The following IGF2BP1 variants were observed in gnomAD, a reference collection of about 807,000 sequenced individuals.
IGF2BP1 encodes insulin like growth factor 2 mRNA binding protein 1, also known as insulin-like growth factor 2 mRNA-binding protein 1.
IGF2BP1 carries 11 observed loss-of-function variants against 74.9 expected under a neutral mutation model. That is an observed-to-expected ratio of 0.15 (90% CI 0.09 to 0.24). The LOEUF (loss-of-function observed/expected upper bound fraction) is 0.24. Ranked by LOEUF, IGF2BP1 falls within the 10% of genes least tolerant of loss-of-function variation. The probability of loss-of-function intolerance (pLI) is 1.00; values close to 1 mark genes in which losing one functional copy is unlikely to be tolerated. For missense variants in IGF2BP1, 440 were observed against 757.4 expected (o/e 0.58, Z 4.92); for synonymous variants, 287 against 281.8 (o/e 1.02, Z -0.18).
intron 2 of IGF2BP1, among the ~76,000 whole-genome samples, chr17:49,003,875 A>AC (rs1170092052): frequency 6.6e-6 from 1 of 151,674 alleles, no homozygotes; most frequent in African/African-American, 2.4e-5. Context: ...TCACAGTGTT[A>AC]CCCACGGGAG....
chr17:49,024,296 C>T (rs1334288845), intron 2 of IGF2BP1, among the ~76,000 whole-genome samples: 2 of 151,870 alleles, frequency 1.3e-5, no homozygotes, highest in Non-Finnish European at 2.9e-5. Context: ...CATGTGGTCC[C>T]AGCTATACAG....
At chr17:49,049,308 C>T (rs945605355) in intron 14 of IGF2BP1, 44 bp from the exon 15 acceptor site, 2 of 1,565,030 alleles carry the variant, frequency 1.3e-6, no homozygotes. Flanking sequence ...AAGGCTGTCT[C>T]CTTGGAGGTC....
rs961032612 is a variant in IGF2BP1, at chr17:48,997,500, C to CT, written c.-246_-245insT. On this transcript the variant is annotated 5_prime_UTR_variant, in exon 1 of 15. Transcript: ENST00000290341. The surrounding 1 kb of genome is among the most constrained non-coding windows in gnomAD (Gnocchi z 4.8). ...TCGGACCGAAGGGAAGAAGCTGCGCCGTGTCGTCCGTCTCCCTGCGCGCCG... is the reference window on the plus strand; with the variant it reads ...TCGGACCGAAGGGAAGAAGCTGCGCCTGTGTCGTCCGTCTCCCTGCGCGCCG... 2.2e-5 allele frequency: 11 copies of CT among 489,516 alleles called. No individual in the cohort carries two copies. The highest frequency in any genetic ancestry group is 3.6e-5 in the Non-Finnish European group (10 of 277,224). The allele number at this position is 489,516 out of a possible 1,614,324, so 30.3% of individuals were successfully genotyped here.
intron 5 of IGF2BP1, among the ~76,000 whole-genome samples, chr17:49,034,735 T>TCAAAAAAAACA (rs1046293377): frequency 8.4e-6 from 1 of 119,568 alleles, no homozygotes; most frequent in Non-Finnish European, 1.7e-5. Flanking sequence ...AGACCCTGTC[T>TCAAAAAAAACA]CAAAAAAAAC....
At chr17:49,043,839 C>A in intron 10 of IGF2BP1, 128 bp from the exon 11 acceptor site, 1 of 1,347,250 alleles carries the variant, frequency 7.4e-7, no homozygotes, top group Non-Finnish European at 1.0e-6. Context: ...CACAGCATCC[C>A]TTGGCAGCCC....
chr17:49,004,002 G>A (rs1472320956), intron 2 of IGF2BP1, among the ~76,000 whole-genome samples: 3 of 151,980 alleles, frequency 2.0e-5, no homozygotes, highest in Non-Finnish European at 4.4e-5. Flanking sequence ...AGAAAGTGGC[G>A]GCGGCGCTGC....
chr17:49,040,154 A>C (rs1341057251), intron 7 of IGF2BP1, 63 bp downstream of exon 7: 38 of 1,571,438 alleles, frequency 2.4e-5, no homozygotes, highest in Non-Finnish European at 3.3e-5. Context: ...TCCCCAACTC[A>C]ACTTTCAAGC....
intron 14 of IGF2BP1, among the ~76,000 whole-genome samples, chr17:49,046,591 A>C (rs2042109878): frequency 6.6e-6 from 1 of 151,462 alleles, no homozygotes. Context: ...AAGTGATTTG[A>C]CAAGTTTAAT....
intron 2 of IGF2BP1, among the ~76,000 whole-genome samples, chr17:49,016,976 G>C (rs1567814329): frequency 6.6e-6 from 1 of 151,196 alleles, no homozygotes; most frequent in Non-Finnish European, 1.5e-5. Flanking sequence ...CCCTTCAGAA[G>C]TTTTCTTGGA....
chr17:49,024,083 ATTTTTTT>A (rs765273098), intron 2 of IGF2BP1, among the ~76,000 whole-genome samples: 1,126 of 78,052 alleles, frequency 0.014, 8 homozygotes, highest in Middle Eastern at 0.024. Context: ...CACCCTGCTA[ATTTTTTT>A]TTTTTTTTTT....
In IGF2BP1 at chr17:49,000,273, G is replaced by A. The variant is rs555370606; in HGVS notation, c.236+1104G>A. On this transcript the variant is annotated intron_variant, in intron 2 of 14. Transcript: ENST00000290341. ...TTCAGGATAGTCTCTGGCCTTTTCC[G>A]GGTAGATGGGAGATGATGACTGCTT... Among the ~76,000 whole-genome samples, 5 of 152,228 alleles carry A rather than the reference G, an allele frequency of 3.3e-5. 1 individual carries two copies. In the South Asian group the frequency reaches 1.0e-3, roughly 32 times the overall value.
At chr17:49,047,431 T>C (rs1425651570) in intron 14 of IGF2BP1, among the ~76,000 whole-genome samples, 1 of 152,130 alleles carries the variant, frequency 6.6e-6, no homozygotes, top group Non-Finnish European at 1.5e-5. Context: ...TTTATGTGGC[T>C]TATGTATATT....
chr17:49,045,136 A>G, intron 12 of IGF2BP1, 71 bp downstream of exon 12: 2 of 1,356,514 alleles, frequency 1.5e-6, no homozygotes, highest in Non-Finnish European at 2.1e-6. Flanking sequence ...TGAGGTAGGA[A>G]AAAGGCTGGG....
rs539842596 is a variant in IGF2BP1, at chr17:49,041,145, T to G, written c.819-233T>G. ...GGTGAGCCTTGATAGTGCCACTGCA[T>G]TCCAGCCTGGGTGATAGAGTGAGAC... On this transcript the variant is annotated intron_variant, in intron 7 of 14. Coordinates refer to ENST00000290341, the MANE Select transcript of IGF2BP1 (RefSeq NM_006546.4). Among the ~76,000 whole-genome samples, 3 of 152,326 alleles carry G rather than the reference T, an allele frequency of 2.0e-5. No individual in the cohort carries two copies. The East Asian group carries it at 5.8e-4, about 29-fold the overall frequency.
At chr17:49,043,303 A>G (rs2042073039) in intron 9 of IGF2BP1, 125 bp from the exon 10 acceptor site, 1 of 1,084,404 alleles carries the variant, frequency 9.2e-7, no homozygotes, top group Admixed American at 2.0e-5. Flanking sequence ...GCTTTTGTGG[A>G]AAAGTATGTA....
chr17:49,049,676 C>T lies in IGF2BP1; in HGVS notation c.*232C>T. On this transcript the variant is annotated 3_prime_UTR_variant, in exon 15 of 15. Transcript: ENST00000290341. Reference sequence around the variant, plus strand: ...TCTGCCCCTCGGGGTGTCAGAAATTCTAGCGCAAGGCACTTTTAAACGTGG... The same window carrying T: ...TCTGCCCCTCGGGGTGTCAGAAATTTTAGCGCAAGGCACTTTTAAACGTGG... 2.0e-6 allele frequency: 1 copy of T among 494,538 alleles called. No homozygotes were observed. The highest frequency in any genetic ancestry group is 3.7e-6 in the Non-Finnish European group (1 of 273,936). The allele number at this position is 494,538 out of a possible 1,614,324, so 30.6% of individuals were successfully genotyped here.
At chr17:49,019,950 T>TATATATATATATATATATATA in intron 2 of IGF2BP1, among the ~76,000 whole-genome samples, 1 of 24,184 alleles carries the variant, frequency 4.1e-5, no homozygotes, top group South Asian at 1.2e-3. Context: ...ATATATATAT[T>TATATATATATATATATATATA]TATATACACA....
At chr17:49,032,073 G>C in intron 5 of IGF2BP1, 100 bp downstream of exon 5, 2 of 1,033,680 alleles carry the variant, frequency 1.9e-6, no homozygotes, top group Non-Finnish European at 3.0e-6. Flanking sequence ...GTCTAGGCAG[G>C]CTGGGTCCCC....
At chr17:49,040,614 TG>T (rs2042040703) in intron 7 of IGF2BP1, among the ~76,000 whole-genome samples, 1 of 152,278 alleles carries the variant, frequency 6.6e-6, no homozygotes, top group African/African-American at 2.4e-5. Context: ...TATGTGTGCC[TG>T]TGTGTATTCA....
Sources: allele counts gnomAD v4.1 joint callset (sites outside exome capture counted in the v4.1 genomes callset), GRCh38; gene constraint gnomAD v4.1.1; non-coding constraint Gnocchi (gnomAD v3.1); transcripts MANE v1.5; gene names NCBI Gene and HGNC (gene_info 2026-07-23, HGNC 2026-07-21).